CHRM2: variants seen among roughly 807,000 people sequenced by gnomAD.
The protein encoded by CHRM2 is muscarinic acetylcholine receptor M2.
In CHRM2, 8 loss-of-function variants were observed where a neutral mutation model predicts 25.0. The ratio of observed to expected loss-of-function variants is 0.32; its 90% CI spans 0.19 to 0.58. The LOEUF (loss-of-function observed/expected upper bound fraction) is 0.58. Among genes scored for constraint, CHRM2 ranks in the 20% least tolerant of loss-of-function variants. The pLI is 0.88. For missense variants in CHRM2, 440 were observed against 567.1 expected, an observed-to-expected ratio of 0.78 and a Z score of 2.28; for synonymous variants, 202 against 205.7, an observed-to-expected ratio of 0.98 and a Z score of 0.15.
At chr7:137,005,304 T>A (rs530673099) in intron 3 of CHRM2, among the ~76,000 whole-genome samples, 12 of 152,118 alleles carry the variant, frequency 7.9e-5, no homozygotes, top group African/African-American at 2.7e-4. Context: ...TTTCTCTCCA[T>A]AAGCAATGCA....
rs1209053848 is a variant in CHRM2, at chr7:137,012,869, T to C, written c.-46-1951T>C. Among the ~76,000 whole-genome samples, 8 of 152,104 alleles carry C rather than the reference T, an allele frequency of 5.3e-5. No individual in the cohort carries two copies. In the East Asian group the frequency reaches 1.6e-3, roughly 30 times the overall value. On this transcript the variant is annotated intron_variant, in intron 3 of 3. Transcript: ENST00000680005. ...ATACAGATTTAAAGTTCTATAGATA[T>C]AGATACATTATCCTTCGTGGTGATT...
chr7:136,971,803 G>C (rs1419171595), intron 2 of CHRM2, among the ~76,000 whole-genome samples: 1 of 98,522 alleles, frequency 1.0e-5, no homozygotes, highest in Non-Finnish European at 2.6e-5. Context: ...ATCTGCATGA[G>C]AACTAAAAGA....
intron 3 of CHRM2, among the ~76,000 whole-genome samples, chr7:137,009,289 C>A (rs1804654479): frequency 6.6e-6 from 1 of 152,054 alleles, no homozygotes; most frequent in Admixed American, 6.6e-5. Context: ...TCAGAAAAAT[C>A]TGTCATTGTC....
chr7:136,979,081 T>C (rs1316195880), intron 2 of CHRM2, among the ~76,000 whole-genome samples: 1 of 152,166 alleles, frequency 6.6e-6, no homozygotes, highest in Non-Finnish European at 1.5e-5. Context: ...CATAAAAGCA[T>C]TCCTATTTCT....
intron 2 of CHRM2, among the ~76,000 whole-genome samples, chr7:136,975,591 T>C (rs324612): frequency 0.88 from 134,648 of 152,302 alleles, 59,956 homozygotes; most frequent in Middle Eastern, 0.97. Context: ...AAAATCATCA[T>C]ATTGCCATTC....
chr7:136,896,296 C>T (rs946780673), intron 2 of CHRM2, among the ~76,000 whole-genome samples: 3 of 152,198 alleles, frequency 2.0e-5, no homozygotes, highest in African/African-American at 7.2e-5. Context: ...CAAAGAAAAG[C>T]CCTGTCCCAC....
At chr7:136,970,811 C>T (rs1338351350) in intron 2 of CHRM2, among the ~76,000 whole-genome samples, 2 of 152,160 alleles carry the variant, frequency 1.3e-5, no homozygotes, top group Non-Finnish European at 2.9e-5. Context: ...CACAGTTAAA[C>T]TCTGTCTCAC....
At chr7:136,942,232 TG>T (rs1487294726) in intron 2 of CHRM2, among the ~76,000 whole-genome samples, 1 of 152,190 alleles carries the variant, frequency 6.6e-6, no homozygotes, top group African/African-American at 2.4e-5. Context: ...GTCATTTCTC[TG>T]AAGGTCCCCA....
Position 136,971,822 on chromosome 7 carries a change from A to G in CHRM2, c.-124-20365A>G, listed in dbSNP as rs891222941. ...GCATGAGAACTAAAAGACAAATTTAAAAGCATCTTGTGTTCCTTCCAGGTT... is the reference window on the plus strand; with the variant it reads ...GCATGAGAACTAAAAGACAAATTTAGAAGCATCTTGTGTTCCTTCCAGGTT... On this transcript the variant is annotated intron_variant, in intron 2 of 3. Transcript: ENST00000680005. Among the ~76,000 whole-genome samples the G allele has an allele frequency of 2.8e-5, 4 of 143,236 alleles. No homozygotes were observed. The East Asian group carries it at 7.9e-4, about 28-fold the overall frequency. 94.0% of individuals were successfully genotyped at this position (143,236 alleles called of 152,430 possible). A position where few individuals can be genotyped will look rare whatever the true frequency, so the allele number is the denominator to read the frequency against.
intron 2 of CHRM2, among the ~76,000 whole-genome samples, chr7:136,933,222 C>T (rs1799216232): frequency 6.6e-6 from 1 of 152,000 alleles, no homozygotes; most frequent in Admixed American, 6.6e-5. Flanking sequence ...TTACAGCTTA[C>T]TAAAGAAAAG....
At chr7:136,888,121 T>C (rs1407228071) in intron 2 of CHRM2, among the ~76,000 whole-genome samples, 2 of 152,250 alleles carry the variant, frequency 1.3e-5, no homozygotes, top group Admixed American at 1.3e-4. Context: ...TTTGCTTCTT[T>C]CCCCTGGCTC....
At chr7:136,994,521 CTTTTTTTTTT>C (rs757243972) in intron 3 of CHRM2, among the ~76,000 whole-genome samples, 5 of 71,416 alleles carry the variant, frequency 7.0e-5, no homozygotes, top group Non-Finnish European at 8.4e-5. Context: ...TTTTTCTTTT[CTTTTTTTTTT>C]TTTTTTTTTT....
At chr7:136,910,449 C>T (rs1256718976) in intron 2 of CHRM2, among the ~76,000 whole-genome samples, 1 of 151,736 alleles carries the variant, frequency 6.6e-6, no homozygotes, top group African/African-American at 2.4e-5. Context: ...ACTTTAAGGC[C>T]CTTATATGAA....
intron 2 of CHRM2, among the ~76,000 whole-genome samples, chr7:136,909,965 A>G (rs1797753109): frequency 1.3e-5 from 2 of 151,752 alleles, no homozygotes; most frequent in African/African-American, 2.4e-5. Context: ...CTCCATGATA[A>G]AACTGTACAT....
chr7:137,015,494 C>G lies in CHRM2; in HGVS notation c.629C>G (p.Ser210Cys). 6.2e-7 allele frequency: 1 copy of G among 1,613,194 alleles called. No individual in the cohort carries two copies. The highest frequency in any genetic ancestry group is 8.5e-7 in the Non-Finnish European group (1 of 1,179,608). ...ATGACTGTGCTATATTGGCACATAT[C>G]CCGAGCCAGCAAGAGCAGGATAAAG... Reference protein sequence around the residue: ...IIMTVLYWHISRASKSRIKKD... With the variant: ...IIMTVLYWHICRASKSRIKKD... The change falls in exon 4 of 4, where the codon TCC becomes TGC. Residue 210 changes from serine (S) to cysteine (C), a missense_variant. Transcript: ENST00000680005. This position sits in a 1 kb window ranked among gnomAD's most constrained non-coding sequence, Gnocchi z 5.1.
chr7:137,003,169 T>C (rs923341338), intron 3 of CHRM2, among the ~76,000 whole-genome samples: 3 of 152,210 alleles, frequency 2.0e-5, no homozygotes, highest in African/African-American at 7.2e-5. Flanking sequence ...GAAGCCAGCA[T>C]TTCTGCCAGC....
chr7:136,877,592 C>T (rs1170827035), intron 2 of CHRM2, among the ~76,000 whole-genome samples: 1 of 152,030 alleles, frequency 6.6e-6, no homozygotes, highest in Admixed American at 6.6e-5. Context: ...TCTCTCCCAA[C>T]TCTAGTGGAG....
chr7:136,882,697 A>C (rs1796312258), intron 2 of CHRM2, among the ~76,000 whole-genome samples: 1 of 152,084 alleles, frequency 6.6e-6, no homozygotes, highest in African/African-American at 2.4e-5. Context: ...AAATGTTTCC[A>C]CTTTCGAAAC....
At chr7:136,967,661 T>C (rs1462817036) in intron 2 of CHRM2, among the ~76,000 whole-genome samples, 1 of 152,018 alleles carries the variant, frequency 6.6e-6, no homozygotes, top group East Asian at 1.9e-4. Context: ...CATTTTTTTC[T>C]TTTATTATTT....
Sources: gnomAD v4.1 joint callset for allele counts (sites outside exome capture counted in the v4.1 genomes callset) on GRCh38, gnomAD v4.1.1 for gene constraint, Gnocchi (gnomAD v3.1) non-coding constraint, MANE v1.5 for transcripts, NCBI Gene and HGNC (gene_info 2026-07-23, HGNC 2026-07-21) for gene names.